BLTP3A: variants seen among roughly 807,000 people sequenced by gnomAD.
BLTP3A encodes bridge-like lipid transfer protein family member 3A.
At chr6:34,825,661 A>T in the BLTP3A span, among the ~76,000 whole-genome samples, 1 of 152,186 alleles carries the variant, frequency 6.6e-6, no homozygotes, top group South Asian at 2.1e-4. Context: ...TTCCTTCATG[A>T]GCTAAACACC....
At chr6:34,834,163 CTG>C in the BLTP3A span, 5 of 1,542,098 alleles carry the variant, frequency 3.2e-6, no homozygotes, top group Middle Eastern at 1.9e-4. Context: ...AATATGAAGA[CTG>C]TGCAGAAAGT....
chr6:34,852,474 C>T, the BLTP3A span, among the ~76,000 whole-genome samples: 1 of 152,122 alleles, frequency 6.6e-6, no homozygotes, highest in Non-Finnish European at 1.5e-5. Flanking sequence ...TGCCTGGTGC[C>T]CTGTTCTACC....
the BLTP3A span, among the ~76,000 whole-genome samples, chr6:34,869,935 C>T: frequency 6.6e-6 from 1 of 152,124 alleles, no homozygotes. Flanking sequence ...AGGCATGAGC[C>T]ACTGTGCACG....
the BLTP3A span, chr6:34,867,310 T>G: frequency 6.2e-7 from 1 of 1,614,170 alleles, no homozygotes; most frequent in Non-Finnish European, 8.5e-7. Context: ...TTGTGAATAA[T>G]TATGGCCAGG....
chr6:34,811,322 T>C, the BLTP3A span, among the ~76,000 whole-genome samples: 1 of 152,178 alleles, frequency 6.6e-6, no homozygotes, highest in African/African-American at 2.4e-5. Context: ...ATGGTCAGAA[T>C]AATCTGAACA....
chr6:34,803,834 A>G, the BLTP3A span, among the ~76,000 whole-genome samples: 1 of 151,742 alleles, frequency 6.6e-6, no homozygotes, highest in Admixed American at 6.6e-5. Context: ...ATCCAAGCTG[A>G]CTGCTTCTGG....
chr6:34,832,048 C>T, the BLTP3A span, among the ~76,000 whole-genome samples: 2 of 151,898 alleles, frequency 1.3e-5, no homozygotes, highest in African/African-American at 4.8e-5. Flanking sequence ...CTCTTGACCT[C>T]GTGATCCACC....
chr6:34,822,041 C>T, the BLTP3A span: 1 of 1,532,096 alleles, frequency 6.5e-7, no homozygotes, highest in Non-Finnish European at 9.0e-7. Flanking sequence ...GATAGGCTAA[C>T]CCTTTTAGGA....
At chr6:34,841,509 T>G in the BLTP3A span, among the ~76,000 whole-genome samples, 1 of 152,216 alleles carries the variant, frequency 6.6e-6, no homozygotes, top group Non-Finnish European at 1.5e-5. Context: ...TTAAAATTAG[T>G]TCTTTATTTG....
At chr6:34,847,493 A>C in the BLTP3A span, among the ~76,000 whole-genome samples, 39 of 151,980 alleles carry the variant, frequency 2.6e-4, no homozygotes, top group African/African-American at 9.4e-4. Flanking sequence ...ACTTGTTATT[A>C]TCTATTCGGG....
At chr6:34,854,303 T>C in the BLTP3A span, among the ~76,000 whole-genome samples, 1 of 152,168 alleles carries the variant, frequency 6.6e-6, no homozygotes, top group African/African-American at 2.4e-5. Flanking sequence ...TTGATTATAT[T>C]GCTATTATAT....
At chr6:34,812,271 G>C in the BLTP3A span, among the ~76,000 whole-genome samples, 4 of 150,922 alleles carry the variant, frequency 2.7e-5, no homozygotes, top group Non-Finnish European at 4.4e-5. Context: ...GGAGGTTGCA[G>C]TAAGCTGAGA....
chr6:34,857,387 A>C, the BLTP3A span: 2 of 1,614,070 alleles, frequency 1.2e-6, no homozygotes, highest in South Asian at 2.2e-5. Flanking sequence ...TGCAGTCGGA[A>C]ACTTCACAAC....
the BLTP3A span, among the ~76,000 whole-genome samples, chr6:34,798,483 A>G: frequency 6.6e-6 from 1 of 152,116 alleles, no homozygotes; most frequent in African/African-American, 2.4e-5. Context: ...AAGTGGCTAT[A>G]CCAATTTACA....
chr6:34,832,782 C>T, the BLTP3A span, among the ~76,000 whole-genome samples: 1 of 152,074 alleles, frequency 6.6e-6, no homozygotes, highest in Admixed American at 6.6e-5. Context: ...GCATTTATTT[C>T]TTCTGTGACC....
the BLTP3A span, among the ~76,000 whole-genome samples, chr6:34,813,936 C>T: frequency 6.6e-6 from 1 of 152,092 alleles, no homozygotes; most frequent in South Asian, 2.1e-4. Flanking sequence ...CTGTAGTTTC[C>T]TTGGCTGAGC....
chr6:34,862,585 G>A, the BLTP3A span, among the ~76,000 whole-genome samples: 14 of 151,316 alleles, frequency 9.3e-5, no homozygotes, highest in Non-Finnish European at 1.5e-4. Context: ...CTGTAATCCC[G>A]GCACTTTGGA....
the BLTP3A span, among the ~76,000 whole-genome samples, chr6:34,817,027 C>T: frequency 6.6e-6 from 1 of 152,082 alleles, no homozygotes; most frequent in African/African-American, 2.4e-5. Flanking sequence ...AAGAATTTGC[C>T]CGTGCCTAGT....
the BLTP3A span, among the ~76,000 whole-genome samples, chr6:34,820,041 G>A: frequency 6.6e-6 from 1 of 151,952 alleles, no homozygotes; most frequent in Non-Finnish European, 1.5e-5. Context: ...TTTCATATCA[G>A]TAAAGATATG....
Sources: allele counts gnomAD v4.1 joint callset (sites outside exome capture counted in the v4.1 genomes callset), GRCh38; gene constraint gnomAD v4.1.1; transcripts MANE v1.5; gene names NCBI Gene and HGNC (gene_info 2026-07-23, HGNC 2026-07-21).